Variants in GRID1 observed in about 807,000 individuals in gnomAD.
GRID1 encodes glutamate ionotropic receptor delta type subunit 1.
GRID1 carries 28 observed loss-of-function variants against 98.0 expected under a neutral mutation model. That is an observed-to-expected ratio of 0.29 (90% CI 0.21 to 0.39). The LOEUF (loss-of-function observed/expected upper bound fraction) is 0.39, where lower values mean the gene tolerates loss of function less well. Ranked by LOEUF, GRID1 falls within the 10% of genes least tolerant of loss-of-function variation. The pLI is 1.00. For synonymous variants in GRID1, 553 were observed against 538.5 expected (o/e 1.03, Z -0.37); for missense variants, 1,111 against 1,340.5 (o/e 0.83, Z 2.67).
At chr10:85,849,715 T>C (rs1169972311) in intron 8 of GRID1, among the ~76,000 whole-genome samples, 1 of 152,156 alleles carries the variant, frequency 6.6e-6, no homozygotes, top group Non-Finnish European at 1.5e-5. Context: ...GCATCATGCT[T>C]GCTGGTGCTA....
chr10:86,083,883 C>A (rs1321036006), intron 4 of GRID1, among the ~76,000 whole-genome samples: 1 of 152,224 alleles, frequency 6.6e-6, no homozygotes, highest in Non-Finnish European at 1.5e-5. Context: ...AGCCATGAGA[C>A]TTTGCAGCAA....
chr10:86,005,335 C>T (rs539681742), intron 4 of GRID1, among the ~76,000 whole-genome samples: 10 of 141,760 alleles, frequency 7.1e-5, no homozygotes, highest in African/African-American at 2.5e-4. Flanking sequence ...TCAATAAGTA[C>T]TTGTAAAATA....
intron 8 of GRID1, among the ~76,000 whole-genome samples, chr10:85,808,524 T>C (rs1842642386): frequency 6.6e-6 from 1 of 152,142 alleles, no homozygotes; most frequent in South Asian, 2.1e-4. Flanking sequence ...GTCACAAAGT[T>C]CTGGAAATAC....
intron 4 of GRID1, among the ~76,000 whole-genome samples, chr10:86,027,707 C>T (rs1281867748): frequency 1.3e-5 from 2 of 152,228 alleles, no homozygotes; most frequent in Non-Finnish European, 2.9e-5. Flanking sequence ...GGAAAAGCCA[C>T]AGCTGACGGC....
intron 4 of GRID1, among the ~76,000 whole-genome samples, chr10:85,931,946 C>T (rs1841855741): frequency 6.6e-6 from 1 of 152,162 alleles, no homozygotes; most frequent in Non-Finnish European, 1.5e-5. Flanking sequence ...CCTATTATAT[C>T]CTGCCAGAAG....
chr10:86,203,820 C>A (rs577789728), intron 3 of GRID1, among the ~76,000 whole-genome samples: 1 of 152,074 alleles, frequency 6.6e-6, no homozygotes, highest in Non-Finnish European at 1.5e-5. Flanking sequence ...TCTGCCAATC[C>A]CTCTCTTGCA....
chr10:85,756,307 A>C (rs1376864452), intron 8 of GRID1, among the ~76,000 whole-genome samples: 1 of 152,072 alleles, frequency 6.6e-6, no homozygotes, highest in African/African-American at 2.4e-5. Context: ...GATCTTAGCA[A>C]CCTCAGCATA....
chr10:86,119,135 G>C (rs1426723969), intron 4 of GRID1, among the ~76,000 whole-genome samples: 1 of 152,138 alleles, frequency 6.6e-6, no homozygotes, highest in Non-Finnish European at 1.5e-5. Flanking sequence ...AGGAGTTCAA[G>C]AGCAACCTTG....
rs76577252 is a variant in GRID1, at chr10:86,271,536, C to T, written c.236-64888G>A. Among the ~76,000 whole-genome samples, 116 of 152,174 alleles carry T rather than the reference C, an allele frequency of 7.6e-4. No homozygotes were observed. In the East Asian group the frequency reaches 0.01, roughly 14 times the overall value. ...TAAAACAGTCATTATAACTACATGC[C>T]GTATGTTCAAACGTTAAGTAGAGAC... is the stretch of plus-strand genomic sequence containing the variant. On this transcript the variant is annotated intron_variant, in intron 2 of 15. Transcript: ENST00000327946.
In GRID1 at chr10:85,620,046, A is replaced by T. The variant is rs191033937; in HGVS notation, c.2194-13T>A. Reference sequence around the variant, plus strand: ...TCCCCTTCTTTGCCTGAAAGATCAAAATTACCATGAAGTCAGGCAGTCCTG... The same window carrying T: ...TCCCCTTCTTTGCCTGAAAGATCAATATTACCATGAAGTCAGGCAGTCCTG... On this transcript the variant is annotated splice_polypyrimidine_tract_variant and intron_variant, in intron 13 of 15. Coordinates refer to ENST00000327946, the MANE Select transcript of GRID1 (RefSeq NM_017551.3). The T allele has an allele frequency of 9.9e-5, 159 of 1,611,664 alleles. 1 individual carries two copies. The East Asian group carries it at 3.5e-3, about 35-fold the overall frequency.
intron 8 of GRID1, among the ~76,000 whole-genome samples, chr10:85,770,817 G>A (rs11819637): frequency 0.11 from 16,879 of 152,140 alleles, 1,213 homozygotes; most frequent in African/African-American, 0.21. Flanking sequence ...AAGAAATATG[G>A]GACTATGTGA....
rs560638143 is a variant in GRID1, at chr10:86,205,317, C to T, written c.520+1047G>A. On this transcript the variant is annotated intron_variant, in intron 3 of 15. Transcript: ENST00000327946. ...GGCACCAGCCGTGGGGCTGCCAACC[C>T]TCATCAGTCTCCCACACCCTCTAAC... 1.1e-4 allele frequency among the ~76,000 whole-genome samples: 16 copies of T among 152,344 alleles called. No homozygotes were observed. The East Asian group carries it at 2.9e-3, about 28-fold the overall frequency.
chr10:86,255,676 G>A (rs1470147820), intron 2 of GRID1, among the ~76,000 whole-genome samples: 1 of 152,190 alleles, frequency 6.6e-6, no homozygotes, highest in Admixed American at 6.5e-5. Context: ...CTGCCCCCTG[G>A]GGACCTAGGG....
At chr10:86,101,185 C>G (rs538422194) in intron 4 of GRID1, among the ~76,000 whole-genome samples, 5 of 152,156 alleles carry the variant, frequency 3.3e-5, no homozygotes, top group African/African-American at 1.2e-4. Context: ...AGGAGAGGAG[C>G]AGCAGGAGGT....
chr10:85,938,403 T>C (rs148944241), intron 4 of GRID1, among the ~76,000 whole-genome samples: 246 of 152,292 alleles, frequency 1.6e-3, no homozygotes, highest in African/African-American at 5.6e-3. Context: ...TCTTATATAT[T>C]TCAAAATTAG....
chr10:85,949,812 C>G (rs905248352), intron 4 of GRID1, among the ~76,000 whole-genome samples: 1 of 152,028 alleles, frequency 6.6e-6, no homozygotes, highest in Non-Finnish European at 1.5e-5. Flanking sequence ...TCTAGTTGTT[C>G]CCCTGATATC....
intron 12 of GRID1, among the ~76,000 whole-genome samples, chr10:85,702,297 A>G (rs964428668): frequency 1.3e-5 from 2 of 152,164 alleles, no homozygotes; most frequent in Admixed American, 6.6e-5. Flanking sequence ...TTATATAGTC[A>G]TTAATATTGC....
chr10:86,295,160 T>TG (rs2132077770), intron 2 of GRID1, among the ~76,000 whole-genome samples: 1 of 151,766 alleles, frequency 6.6e-6, no homozygotes, highest in South Asian at 2.1e-4. Context: ...TGTAAGTGGG[T>TG]GGGGGAGCGG....
chr10:85,831,885 T>C (rs1283553323), intron 8 of GRID1, among the ~76,000 whole-genome samples: 2 of 151,530 alleles, frequency 1.3e-5, no homozygotes, highest in East Asian at 1.9e-4. Flanking sequence ...TAACCACACA[T>C]AGCAAGAAGC....
Sources: gnomAD v4.1 joint callset for allele counts (sites outside exome capture counted in the v4.1 genomes callset) on GRCh38, gnomAD v4.1.1 for gene constraint, MANE v1.5 for transcripts, NCBI Gene and HGNC (gene_info 2026-07-23, HGNC 2026-07-21) for gene names.